Variants in SPICE1 observed in about 807,000 individuals in gnomAD.
The protein encoded by SPICE1 is spindle and centriole associated protein 1, also known as spindle and centriole-associated protein 1.
Under a neutral mutation model 102.7 loss-of-function variants are expected in SPICE1, and 75 were observed. The observed-to-expected ratio is 0.73, with a 90% CI of 0.61 to 0.88. The LOEUF (loss-of-function observed/expected upper bound fraction) is 0.88. Among genes scored for constraint, SPICE1 ranks in the 40% least tolerant of loss-of-function variants. The probability of loss-of-function intolerance (pLI) is 0.00; values close to 1 mark genes in which losing one functional copy is unlikely to be tolerated. For missense variants in SPICE1, 979 were observed against 1,020.1 expected, an observed-to-expected ratio of 0.96 and a Z score of 0.55; for synonymous variants, 308 against 350.3, an observed-to-expected ratio of 0.88 and a Z score of 1.35.
At chr3:113,477,486 CAT>C (rs1936381314) in intron 7 of SPICE1, among the ~76,000 whole-genome samples, 1 of 150,876 alleles carries the variant, frequency 6.6e-6, no homozygotes, top group South Asian at 2.1e-4. Flanking sequence ...CACATGCACA[CAT>C]ATGTTTATTG....
chr3:113,514,523 C>A, intron 1 of SPICE1: 1 of 400,974 alleles, frequency 2.5e-6, no homozygotes, highest in Non-Finnish European at 5.0e-6. Context: ...TGTTCTCTCA[C>A]ATCTCCCGCA....
chr3:113,469,335 T>C (rs1936139441), intron 7 of SPICE1, 97 bp from the exon 8 acceptor site: 1 of 313,036 alleles, frequency 3.2e-6, no homozygotes, highest in African/African-American at 2.3e-5. Flanking sequence ...AATTTATATT[T>C]ACATTATCTA....
In SPICE1 at chr3:113,494,048, C is replaced by A. The variant is rs1391207823; in HGVS notation, c.385+1G>T. On this transcript the variant is annotated splice_donor_variant, in intron 5 of 17. Coordinates refer to ENST00000295872, the MANE Select transcript of SPICE1 (RefSeq NM_144718.4). LOFTEE classifies it high-confidence loss of function. The stretch of plus-strand genomic sequence containing the variant: ...GAGAAGCTTTTGTTTGAATTGAATA[C>A]CTGTGCGCCTACGAGGAAACAGCTC... 5 of 1,601,688 alleles carry A rather than the reference C, an allele frequency of 3.1e-6. No individual in the cohort carries two copies. The Admixed American group carries it at 8.5e-5, about 27-fold the overall frequency.
At chr3:113,445,824 C>A (rs1251484592) in intron 17 of SPICE1, among the ~76,000 whole-genome samples, 3 of 152,168 alleles carry the variant, frequency 2.0e-5, no homozygotes, top group South Asian at 4.1e-4. Context: ...TTTCCCCTAT[C>A]ATTTAATTTG....
chr3:113,477,945 A>T (rs1160386508), intron 7 of SPICE1, among the ~76,000 whole-genome samples: 2 of 150,788 alleles, frequency 1.3e-5, no homozygotes, highest in Non-Finnish European at 3.0e-5. Context: ...ATAATAATAA[A>T]ATAAAATAAA....
rs772548555 is a variant in SPICE1, at chr3:113,468,354, A to G, written c.940T>C (p.Ser314Pro). 20 of 1,614,020 alleles carry G rather than the reference A, an allele frequency of 1.2e-5. No homozygotes were observed. Among genetic ancestry groups the G allele is most frequent in the Non-Finnish European group, 1.6e-5 (19 of 1,180,034 alleles). The part of the protein sequence containing the change: ...HALSKPKKNI[S>P]SGSTTSADLP... Reference sequence around the variant, plus strand: ...TCTGCAGAGGTTGTGCTACCTGATGATATGTTTTTCTTCGGCTTGGAAAGA... The same window carrying G: ...TCTGCAGAGGTTGTGCTACCTGATGGTATGTTTTTCTTCGGCTTGGAAAGA... Residue 314 changes from serine (S) to proline (P), a missense_variant, in exon 10 of 18, where the codon TCA becomes CCA. By Grantham distance (74) the Ser-to-Pro change is moderately conservative. Coordinates refer to ENST00000295872, the MANE Select transcript of SPICE1 (RefSeq NM_144718.4).
chr3:113,466,771 T>G (rs1936067249), intron 10 of SPICE1, among the ~76,000 whole-genome samples: 1 of 152,156 alleles, frequency 6.6e-6, no homozygotes, highest in Non-Finnish European at 1.5e-5. Flanking sequence ...TAGGGTCAGG[T>G]GCAGAGGCTC....
At chr3:113,474,039 C>G (rs1179741012) in intron 7 of SPICE1, among the ~76,000 whole-genome samples, 2 of 151,924 alleles carry the variant, frequency 1.3e-5, no homozygotes, top group Admixed American at 1.3e-4. Flanking sequence ...AATCAGGAAA[C>G]CCATCTCACG....
chr3:113,448,392 T>C (rs1050573017), intron 15 of SPICE1, among the ~76,000 whole-genome samples: 4 of 151,920 alleles, frequency 2.6e-5, no homozygotes, highest in African/African-American at 9.7e-5. Flanking sequence ...ACAAGTGGCA[T>C]CATGTCAGCT....
intron 12 of SPICE1, 158 bp downstream of exon 12, chr3:113,460,459 T>C (rs1935904803): frequency 4.1e-6 from 4 of 984,992 alleles, no homozygotes; most frequent in Non-Finnish European, 3.6e-6. Flanking sequence ...ATGCATCCAA[T>C]ATTAGCTGGA....
At chr3:113,479,058 C>T (rs536188781) in intron 7 of SPICE1, among the ~76,000 whole-genome samples, 17 of 151,750 alleles carry the variant, frequency 1.1e-4, no homozygotes, top group South Asian at 2.1e-4. Flanking sequence ...ATGTGCCATG[C>T]TGGTGTGCTG....
chr3:113,465,869 T>C, intron 10 of SPICE1, 85 bp from the exon 11 acceptor site: 1 of 1,355,408 alleles, frequency 7.4e-7, no homozygotes, highest in Non-Finnish European at 1.0e-6. Context: ...GCAAAGAAGA[T>C]ATTTACAAAG....
chr3:113,448,657 GT>G (rs1487266895), intron 15 of SPICE1, among the ~76,000 whole-genome samples: 1 of 152,136 alleles, frequency 6.6e-6, no homozygotes, highest in Admixed American at 6.5e-5. Flanking sequence ...TATTTCAGAA[GT>G]AGGTAATCAA....
At chr3:113,467,571 G>C (rs2107462730) in intron 10 of SPICE1, among the ~76,000 whole-genome samples, 1 of 152,334 alleles carries the variant, frequency 6.6e-6, no homozygotes, top group Admixed American at 6.5e-5. Flanking sequence ...TGGGATTATA[G>C]GTTATAGGCG....
At chr3:113,496,325 T>C (rs1936884217) in intron 4 of SPICE1, among the ~76,000 whole-genome samples, 1 of 152,100 alleles carries the variant, frequency 6.6e-6, no homozygotes. Flanking sequence ...CAAGCCTAAC[T>C]CTATCTATTA....
chr3:113,491,646 A>AAAAAAAAAAT (rs1559972346), intron 6 of SPICE1, among the ~76,000 whole-genome samples: 10 of 150,388 alleles, frequency 6.6e-5, no homozygotes, highest in African/African-American at 2.5e-4. Context: ...AAAAAAAAAA[A>AAAAAAAAAAT]AAAGATTATC....
At position 113,503,231 on chromosome 3, in the gene SPICE1, T is replaced by TA. The variant is rs762258101; in HGVS notation, c.100-5dup. 6.4e-6 allele frequency: 10 copies of TA among 1,564,834 alleles called. No homozygotes were observed. Among genetic ancestry groups the TA allele is most frequent in the Admixed American group, 2.0e-5 (1 of 49,386 alleles). On this transcript the variant is annotated splice_polypyrimidine_tract_variant and splice_region_variant and intron_variant, in intron 2 of 17. Coordinates refer to ENST00000295872, the MANE Select transcript of SPICE1 (RefSeq NM_144718.4). ...CGGTTAGATCAGTCACGGTATTCTG[T>TA]AAAAAAAGGTGGCCTTTCTTTAAAA...
chr3:113,511,804 C>CA (rs1220755353), intron 1 of SPICE1, among the ~76,000 whole-genome samples: 5 of 151,214 alleles, frequency 3.3e-5, no homozygotes, highest in South Asian at 2.1e-4. Context: ...TATTAAAATT[C>CA]AAAAAAAATG....
intron 14 of SPICE1, among the ~76,000 whole-genome samples, chr3:113,452,383 C>G (rs887405001): frequency 2.0e-5 from 3 of 152,172 alleles, no homozygotes; most frequent in Admixed American, 1.3e-4. Flanking sequence ...CTTTAATAAT[C>G]CTTTAAAACA....
Sources: gnomAD v4.1 joint callset for allele counts (sites outside exome capture counted in the v4.1 genomes callset) on GRCh38, gnomAD v4.1.1 for gene constraint, MANE v1.5 for transcripts, NCBI Gene and HGNC (gene_info 2026-07-23, HGNC 2026-07-21) for gene names.